Variants in CUL5 observed in about 807,000 individuals in gnomAD.
The protein encoded by CUL5 is cullin-5.
CUL5 carries 26 observed loss-of-function variants against 108.8 expected under a neutral mutation model. That is an observed-to-expected ratio of 0.24 (90% confidence interval 0.18 to 0.33). CUL5 has a LOEUF of 0.33. Ranked by LOEUF, CUL5 falls within the 10% of genes least tolerant of loss-of-function variation. CUL5 has a pLI of 1.00. For synonymous variants in CUL5, 334 were observed against 298.0 expected (o/e 1.12, Z -1.25); for missense variants, 524 against 909.2 (o/e 0.58, Z 5.45).
chr11:108,062,237 C>G (rs1000011348), intron 7 of CUL5, among the ~76,000 whole-genome samples: 1 of 152,044 alleles, frequency 6.6e-6, no homozygotes, highest in Non-Finnish European at 1.5e-5. Flanking sequence ...TTTTAACATC[C>G]TTGTGTATAC....
intron 2 of CUL5, among the ~76,000 whole-genome samples, chr11:108,043,571 C>G (rs1289554301): frequency 6.6e-6 from 1 of 152,104 alleles, no homozygotes; most frequent in Non-Finnish European, 1.5e-5. Context: ...TGGAGGGTTT[C>G]AAGAGTAGAT....
intron 1 of CUL5, among the ~76,000 whole-genome samples, chr11:108,025,105 G>T (rs574029179): frequency 6.6e-6 from 1 of 152,238 alleles, no homozygotes; most frequent in East Asian, 1.9e-4. Context: ...TTCCAATTAT[G>T]TGTACGTTAG....
At chr11:108,028,324 C>A (rs1009041891) in intron 1 of CUL5, among the ~76,000 whole-genome samples, 9 of 152,132 alleles carry the variant, frequency 5.9e-5, no homozygotes, top group African/African-American at 2.2e-4. Context: ...GCTTTACTCC[C>A]ATTTTCTCAT....
intron 10 of CUL5, among the ~76,000 whole-genome samples, chr11:108,075,294 C>A (rs1475828023): frequency 6.6e-6 from 1 of 151,804 alleles, no homozygotes; most frequent in Non-Finnish European, 1.5e-5. Context: ...GAACTTAATT[C>A]TGCAAGGAAA....
intron 1 of CUL5, among the ~76,000 whole-genome samples, chr11:108,024,132 A>G (rs980698073): frequency 1.3e-5 from 2 of 152,210 alleles, no homozygotes; most frequent in Non-Finnish European, 2.9e-5. Flanking sequence ...GGACCAGAGA[A>G]TAGTTAATTA....
chr11:108,025,722 AG>A (rs1330881360), intron 1 of CUL5, among the ~76,000 whole-genome samples: 6 of 152,116 alleles, frequency 3.9e-5, no homozygotes, highest in Non-Finnish European at 7.4e-5. Flanking sequence ...ACCCAGGTAC[AG>A]GTTAGTACTC....
chr11:108,066,228 C>G (rs188174472), intron 7 of CUL5, among the ~76,000 whole-genome samples: 214 of 152,040 alleles, frequency 1.4e-3, no homozygotes, highest in Non-Finnish European at 2.5e-3. Context: ...CCTGCTGTCC[C>G]AGTACTCAGG....
chr11:108,046,949 G>A (rs564982348), intron 3 of CUL5, among the ~76,000 whole-genome samples: 19 of 152,020 alleles, frequency 1.2e-4, no homozygotes, highest in Non-Finnish European at 2.6e-4. Flanking sequence ...AATCAGCCAC[G>A]GCCTCTCTTA....
At chr11:108,041,417 A>G (rs1862908289) in intron 2 of CUL5, among the ~76,000 whole-genome samples, 1 of 150,026 alleles carries the variant, frequency 6.7e-6, no homozygotes, top group Admixed American at 6.7e-5. Context: ...AGCTGGGATT[A>G]TAGGTGCCTG....
At chr11:108,102,687 C>T (rs1465270802) in intron 18 of CUL5, among the ~76,000 whole-genome samples, 2 of 152,158 alleles carry the variant, frequency 1.3e-5, no homozygotes, top group Non-Finnish European at 1.5e-5. Context: ...TGAATAGTGC[C>T]TGACTCCCAA....
At position 108,104,399 on chromosome 11, in the gene CUL5, G is replaced by T. The variant is rs761847791; in HGVS notation, c.*15G>T. ...ATATGGCATAATTTTGAATATCATG[G>T]ACAATATTTAGAACCCAAATTTTGG... On this transcript the variant is annotated 3_prime_UTR_variant, in exon 19 of 19. Coordinates refer to ENST00000393094, the MANE Select transcript of CUL5 (RefSeq NM_003478.6). 2.7e-6 allele frequency: 4 copies of T among 1,477,666 alleles called. No homozygotes were observed. In the South Asian group the frequency reaches 4.3e-5, roughly 16 times the overall value. The allele number at this position is 1,477,666 out of a possible 1,614,324, so 91.5% of individuals were successfully genotyped here.
At chr11:108,070,639 C>T (rs187926258) in intron 8 of CUL5, among the ~76,000 whole-genome samples, 2 of 151,214 alleles carry the variant, frequency 1.3e-5, no homozygotes, top group East Asian at 3.9e-4. Context: ...TTTATTACTT[C>T]AATGTTTTCT....
chr11:108,102,828 G>C (rs189796770), intron 18 of CUL5, among the ~76,000 whole-genome samples: 300 of 152,192 alleles, frequency 2.0e-3, no homozygotes, highest in Non-Finnish European at 3.1e-3. Flanking sequence ...TTGTTTTGGA[G>C]ACAGGGTCTC....
chr11:108,061,917 A>C (rs1015395669), intron 7 of CUL5, among the ~76,000 whole-genome samples: 1 of 151,102 alleles, frequency 6.6e-6, no homozygotes. Context: ...GAGAGAGAGA[A>C]TGTGCAGGAG....
Position 108,052,725 on chromosome 11 carries a change from A to G in CUL5, c.477A>G (p.Ala159=). 6.2e-7 allele frequency: 1 copy of G among 1,613,634 alleles called. No individual in the cohort carries two copies. ...SNIKNRLQDS[A]MKLVHAERLG... ...TAAAAAACAGACTCCAAGATAGTGC[A>G]ATGAAGCTGGTACATGCTGAGAGAT... is the stretch of plus-strand genomic sequence containing the variant. Residue 159 remains alanine, a synonymous_variant, in exon 5 of 19, where the codon GCA becomes GCG. Transcript: ENST00000393094.
chr11:108,073,510 A>G lies in CUL5; in HGVS notation c.1113+13A>G, dbSNP rs1300945016. On this transcript the variant is annotated intron_variant, in intron 10 of 18. Coordinates refer to ENST00000393094, the MANE Select transcript of CUL5 (RefSeq NM_003478.6). Reference sequence around the variant, plus strand: ...TGCAAGAGATAAGGTATATATTCCTATATATATAAAAAACACTTTTAAAAG... The same window carrying G: ...TGCAAGAGATAAGGTATATATTCCTGTATATATAAAAAACACTTTTAAAAG... The G allele has an allele frequency of 1.6e-6, 2 of 1,213,078 alleles. No homozygotes were observed. The highest frequency in any genetic ancestry group is 2.3e-6 in the Non-Finnish European group (2 of 862,672). The allele number at this position is 1,213,078 out of a possible 1,614,324, so 75.1% of individuals were successfully genotyped here.
intron 7 of CUL5, among the ~76,000 whole-genome samples, chr11:108,064,462 C>T (rs1863624528): frequency 6.6e-6 from 1 of 152,140 alleles, no homozygotes; most frequent in Non-Finnish European, 1.5e-5. Context: ...AATCCCAGCA[C>T]ATTAGGAGGC....
chr11:108,099,674 A>G (rs1864597417), intron 18 of CUL5, among the ~76,000 whole-genome samples: 1 of 152,160 alleles, frequency 6.6e-6, no homozygotes, highest in Non-Finnish European at 1.5e-5. Context: ...CTATGTGAAC[A>G]TTACCCAATT....
At chr11:108,071,574 G>T (rs115477105) in intron 8 of CUL5, among the ~76,000 whole-genome samples, 1 of 151,918 alleles carries the variant, frequency 6.6e-6, no homozygotes, top group Admixed American at 6.6e-5. Context: ...TTTTGAGACC[G>T]TCTTGCCCTG....
Sources: gnomAD v4.1 joint callset for allele counts (sites outside exome capture counted in the v4.1 genomes callset) on GRCh38, gnomAD v4.1.1 for gene constraint, MANE v1.5 for transcripts, NCBI Gene and HGNC (gene_info 2026-07-23, HGNC 2026-07-21) for gene names.